Variants in ARB2A observed in about 807,000 individuals in gnomAD.
The protein encoded by ARB2A is ARB2 cotranscriptional regulator A.
chr5:93,848,780 G>T, the ARB2A span, among the ~76,000 whole-genome samples: 1 of 152,164 alleles, frequency 6.6e-6, no homozygotes, highest in South Asian at 2.1e-4. Flanking sequence ...AGATTGTTGG[G>T]AGTAGACTGT....
chr5:93,705,798 G>A, the ARB2A span, among the ~76,000 whole-genome samples: 10 of 152,018 alleles, frequency 6.6e-5, no homozygotes, highest in Non-Finnish European at 1.5e-5. Flanking sequence ...ACTCAATTAA[G>A]CTTGCAGAGA....
the ARB2A span, among the ~76,000 whole-genome samples, chr5:94,000,695 C>T: frequency 6.6e-6 from 1 of 151,930 alleles, no homozygotes; most frequent in African/African-American, 2.4e-5. Flanking sequence ...ACGGACTATA[C>T]CTTTGGTGTT....
the ARB2A span, chr5:93,742,942 A>G: frequency 1.3e-5 from 2 of 152,184 alleles, no homozygotes; most frequent in Non-Finnish European, 2.9e-5. Flanking sequence ...CTAGTTATCA[A>G]TAACTCAGTC....
At chr5:93,868,409 T>C in the ARB2A span, among the ~76,000 whole-genome samples, 1 of 152,124 alleles carries the variant, frequency 6.6e-6, no homozygotes, top group Non-Finnish European at 1.5e-5. Context: ...ATGTCACACA[T>C]AAAGGATGCA....
At chr5:93,684,401 C>T in the ARB2A span, among the ~76,000 whole-genome samples, 1 of 152,166 alleles carries the variant, frequency 6.6e-6, no homozygotes, top group Non-Finnish European at 1.5e-5. Context: ...GGGTAGCACT[C>T]AATACAGGCT....
the ARB2A span, chr5:93,865,467 TA>T: frequency 1.0e-6 from 1 of 985,182 alleles, no homozygotes; most frequent in East Asian, 1.1e-4. Flanking sequence ...ACATGGTACA[TA>T]ATCGATGAAG....
At chr5:93,718,369 G>A in the ARB2A span, among the ~76,000 whole-genome samples, 2 of 152,018 alleles carry the variant, frequency 1.3e-5, no homozygotes. Context: ...AACCCGGGAG[G>A]CAGAGTTTGC....
At chr5:93,674,444 T>C in the ARB2A span, among the ~76,000 whole-genome samples, 200 of 152,346 alleles carry the variant, frequency 1.3e-3, no homozygotes, top group African/African-American at 4.5e-3. Flanking sequence ...GAGAACAAGC[T>C]ACAACCAGGC....
the ARB2A span, among the ~76,000 whole-genome samples, chr5:93,776,677 C>T: frequency 3.9e-5 from 6 of 152,058 alleles, no homozygotes; most frequent in Non-Finnish European, 7.4e-5. Flanking sequence ...ACTTGGGAGG[C>T]TGAGGCAGAA....
chr5:93,770,877 C>G, the ARB2A span, among the ~76,000 whole-genome samples: 1 of 152,144 alleles, frequency 6.6e-6, no homozygotes, highest in African/African-American at 2.4e-5. Flanking sequence ...GGCCATACTG[C>G]CCAAGGTAAT....
At chr5:93,959,699 CTTACT>C in the ARB2A span, among the ~76,000 whole-genome samples, 9 of 152,234 alleles carry the variant, frequency 5.9e-5, no homozygotes, top group African/African-American at 2.2e-4. Flanking sequence ...CTCCAATGAA[CTTACT>C]TTATAAACTA....
chr5:93,831,877 C>A, the ARB2A span, among the ~76,000 whole-genome samples: 1 of 152,130 alleles, frequency 6.6e-6, no homozygotes, highest in South Asian at 2.1e-4. Context: ...GCTTCAAGTA[C>A]TTAAATGTCT....
the ARB2A span, among the ~76,000 whole-genome samples, chr5:93,909,441 A>T: frequency 6.6e-6 from 1 of 151,004 alleles, no homozygotes; most frequent in Admixed American, 6.6e-5. Context: ...AAATGAAAAA[A>T]AAATGTTATT....
the ARB2A span, among the ~76,000 whole-genome samples, chr5:94,090,802 T>A: frequency 6.6e-6 from 1 of 152,218 alleles, no homozygotes; most frequent in Non-Finnish European, 1.5e-5. Context: ...TTGTCATTGG[T>A]TCTGTGTATG....
the ARB2A span, among the ~76,000 whole-genome samples, chr5:93,722,789 A>C: frequency 6.6e-6 from 1 of 152,102 alleles, no homozygotes; most frequent in Admixed American, 6.6e-5. Context: ...CTGTAAACAT[A>C]AACAAAAGCC....
chr5:94,025,828 G>A, the ARB2A span, among the ~76,000 whole-genome samples: 1 of 152,148 alleles, frequency 6.6e-6, no homozygotes, highest in South Asian at 2.1e-4. Context: ...CGCCCCTGCC[G>A]AGGCCTTGCT....
At chr5:94,008,373 A>G in the ARB2A span, among the ~76,000 whole-genome samples, 1 of 152,226 alleles carries the variant, frequency 6.6e-6, no homozygotes, top group Admixed American at 6.5e-5. Context: ...ATGCATATCA[A>G]TCATCTGGAG....
At chr5:93,805,349 T>C in the ARB2A span, 85 of 985,122 alleles carry the variant, frequency 8.6e-5, no homozygotes, top group Non-Finnish European at 1.0e-4. Context: ...ACTGAACAAG[T>C]TTTTACCAGC....
the ARB2A span, among the ~76,000 whole-genome samples, chr5:94,047,492 CA>C: frequency 0.19 from 15,425 of 81,102 alleles, 715 homozygotes; most frequent in Middle Eastern, 0.32. Flanking sequence ...GACTCCATCT[CA>C]AAAAAAAAAA....
Sources: gnomAD v4.1 joint callset for allele counts (sites outside exome capture counted in the v4.1 genomes callset) on GRCh38, gnomAD v4.1.1 for gene constraint, MANE v1.5 for transcripts, NCBI Gene and HGNC (gene_info 2026-07-23, HGNC 2026-07-21) for gene names.